LRMDA: variants seen among roughly 807,000 people sequenced by gnomAD.
The protein encoded by LRMDA is leucine-rich melanocyte differentiation-associated protein.
LRMDA carries 18 observed loss-of-function variants against 29.8 expected under a neutral mutation model. That is an observed-to-expected ratio of 0.60 (90% confidence interval 0.42 to 0.90). LRMDA has a LOEUF of 0.90. LRMDA is among the 40% of genes least tolerant of loss of function. The probability of loss-of-function intolerance (pLI) is 0.00; values close to 1 mark genes in which losing one functional copy is unlikely to be tolerated. For missense variants in LRMDA, 273 were observed against 273.9 expected (o/e 1.00, Z 0.02); for synonymous variants, 125 against 109.4 (o/e 1.14, Z -0.89).
chr10:76,011,656 C>T (rs1008627184), intron 2 of LRMDA, among the ~76,000 whole-genome samples: 10 of 152,284 alleles, frequency 6.6e-5, no homozygotes, highest in African/African-American at 1.9e-4. Context: ...TTAACGCCTC[C>T]GAGCCTCAGT....
intron 2 of LRMDA, among the ~76,000 whole-genome samples, chr10:76,001,021 T>C (rs1343904607): frequency 6.6e-6 from 1 of 152,158 alleles, no homozygotes; most frequent in Non-Finnish European, 1.5e-5. Flanking sequence ...GCACCCCAAG[T>C]CATATAACTT....
At chr10:75,937,567 A>G (rs575218295) in intron 2 of LRMDA, among the ~76,000 whole-genome samples, 152 of 152,338 alleles carry the variant, frequency 1.0e-3, no homozygotes, top group African/African-American at 3.4e-3. Context: ...TGCACCATCG[A>G]GTTGCCAAAA....
chr10:75,802,197 G>A (rs866188510), intron 2 of LRMDA, among the ~76,000 whole-genome samples: 1 of 151,700 alleles, frequency 6.6e-6, no homozygotes. Flanking sequence ...GTGTACCTGC[G>A]ATCCTAGCTA....
intron 6 of LRMDA, chr10:76,437,313 T>A (rs574762672): frequency 6.6e-6 from 1 of 152,332 alleles, no homozygotes; most frequent in South Asian, 2.1e-4. Flanking sequence ...CAAAGGAAAC[T>A]GGAGATTATC....
rs1038027142 is a variant in LRMDA at position 76,216,417 on chromosome 10, T to C, written c.517-107984T>C. On this transcript the variant is annotated intron_variant, in intron 5 of 6. Transcript: ENST00000611255. Reference sequence around the variant, plus strand: ...TTGTAAAGTAGATTTTTTCATTATATGCAAATGATAATGGATCAGTATTAA... The same window carrying C: ...TTGTAAAGTAGATTTTTTCATTATACGCAAATGATAATGGATCAGTATTAA... 2.0e-5 allele frequency among the ~76,000 whole-genome samples: 3 copies of C among 152,262 alleles called. No individual in the cohort carries two copies. In the East Asian group the frequency reaches 5.8e-4, roughly 29 times the overall value.
chr10:76,032,864 A>G (rs1303961579), intron 2 of LRMDA, among the ~76,000 whole-genome samples: 1 of 152,082 alleles, frequency 6.6e-6, no homozygotes, highest in Non-Finnish European at 1.5e-5. Flanking sequence ...GTGATGCTGG[A>G]CTGACAGTTG....
At chr10:75,951,583 G>A (rs1846574776) in intron 2 of LRMDA, among the ~76,000 whole-genome samples, 1 of 152,198 alleles carries the variant, frequency 6.6e-6, no homozygotes, top group Admixed American at 6.5e-5. Context: ...TTGCGAGCTG[G>A]TGCATAGTCC....
At chr10:75,476,176 A>G (rs1422132146) in intron 2 of LRMDA, among the ~76,000 whole-genome samples, 2 of 152,354 alleles carry the variant, frequency 1.3e-5, no homozygotes, top group South Asian at 2.1e-4. Context: ...TTTCAAGACA[A>G]TTGCACTAGG....
At chr10:76,367,430 AT>A (rs34805105) in intron 6 of LRMDA, among the ~76,000 whole-genome samples, 135,474 of 148,432 alleles carry the variant, frequency 0.91, 62,472 homozygotes, top group Non-Finnish European at 0.96. Context: ...TTAATTTTTA[AT>A]TTTTTTTTTT....
chr10:75,574,704 C>T (rs1393430066), intron 2 of LRMDA, among the ~76,000 whole-genome samples: 1 of 152,096 alleles, frequency 6.6e-6, no homozygotes, highest in African/African-American at 2.4e-5. Flanking sequence ...TCTTATCCAC[C>T]GTGGGGCTTC....
intron 2 of LRMDA, among the ~76,000 whole-genome samples, chr10:75,740,218 G>T (rs1842812768): frequency 6.6e-6 from 1 of 152,220 alleles, no homozygotes. Flanking sequence ...AATTTCCCCT[G>T]TAGATGATGG....
At chr10:76,014,126 T>TTATATATATATATAAAAG (rs1847837939) in intron 2 of LRMDA, among the ~76,000 whole-genome samples, 1 of 67,286 alleles carries the variant, frequency 1.5e-5, no homozygotes, top group African/African-American at 4.8e-5. Context: ...ATATATATAA[T>TTATATATATATATAAAAG]TATATATATA....
chr10:76,374,831 A>T (rs1217809269), intron 6 of LRMDA, among the ~76,000 whole-genome samples: 1 of 152,186 alleles, frequency 6.6e-6, no homozygotes, highest in Non-Finnish European at 1.5e-5. Flanking sequence ...TTCTTGAATC[A>T]TGGCAATAAG....
At chr10:76,339,806 A>G (rs751566463) in intron 6 of LRMDA, among the ~76,000 whole-genome samples, 3 of 152,054 alleles carry the variant, frequency 2.0e-5, no homozygotes, top group Non-Finnish European at 2.9e-5. Context: ...TCAAGAAGAA[A>G]TATAAGTCTA....
Position 76,499,169 on chromosome 10 carries a change from G to T in LRMDA, c.602-58040G>T, listed in dbSNP as rs1261312732. ...AAGTTTTTAATATATTTACAGAGTT[G>T]TGCAACTGTCACCACTATCTAATCT... On this transcript the variant is annotated intron_variant, in intron 6 of 6. Coordinates refer to ENST00000611255, the MANE Select transcript of LRMDA (RefSeq NM_001305581.2). Among the ~76,000 whole-genome samples the T allele has an allele frequency of 1.6e-4, 12 of 75,018 alleles. 4 individuals carry two copies. The highest frequency in any genetic ancestry group is 3.2e-4 in the African/African-American group (10 of 30,882). 49.2% of individuals were successfully genotyped at this position (75,018 alleles called of 152,430 possible).
At chr10:76,556,765 C>G (rs1306121228) in intron 6 of LRMDA, among the ~76,000 whole-genome samples, 5 of 152,148 alleles carry the variant, frequency 3.3e-5, no homozygotes, top group Admixed American at 3.3e-4. Context: ...AACAACATTG[C>G]TTCATGATAA....
chr10:75,790,187 AG>A (rs1843541812), intron 2 of LRMDA, among the ~76,000 whole-genome samples: 1 of 152,124 alleles, frequency 6.6e-6, no homozygotes, highest in Admixed American at 6.5e-5. Context: ...TGTGCATTGT[AG>A]GGTATTGAGC....
At position 75,431,655 on chromosome 10, in the gene LRMDA, T is replaced by C; in HGVS notation, c.-70T>C. ...GAACTGTGCGCCCGCCGCGCTCCCC[T>C]GCCGCGCTCCCCGCTGCTGCCGCCG... is the stretch of plus-strand genomic sequence containing the variant. On this transcript the variant is annotated 5_prime_UTR_variant, in exon 1 of 7. Transcript: ENST00000611255. The C allele has an allele frequency of 1.6e-6, 2 of 1,219,712 alleles. No homozygotes were observed. Among genetic ancestry groups the C allele is most frequent in the Admixed American group, 4.4e-5 (1 of 22,598 alleles). 75.6% of individuals were successfully genotyped at this position (1,219,712 alleles called of 1,614,324 possible). A position where few individuals can be genotyped will look rare whatever the true frequency, so the allele number is the denominator to read the frequency against.
intron 2 of LRMDA, among the ~76,000 whole-genome samples, chr10:75,519,061 T>C (rs1845327087): frequency 6.6e-6 from 1 of 152,252 alleles, no homozygotes; most frequent in African/African-American, 2.4e-5. Context: ...CACTGTGGTC[T>C]GAGAGACAGT....
Sources: allele counts gnomAD v4.1 joint callset (sites outside exome capture counted in the v4.1 genomes callset), GRCh38; gene constraint gnomAD v4.1.1; transcripts MANE v1.5; gene names NCBI Gene and HGNC (gene_info 2026-07-23, HGNC 2026-07-21).